ST8SIA4: variants seen among roughly 807,000 people sequenced by gnomAD.
ST8SIA4 encodes CMP-N-acetylneuraminate-poly-alpha-2,8-sialyltransferase.
A neutral mutation model predicts 33.9 loss-of-function variants in ST8SIA4; 15 were observed. The observed-to-expected ratio is 0.44, with a 90% CI of 0.30 to 0.68. The LOEUF is 0.68. Ranked by LOEUF, ST8SIA4 falls within the 30% of genes least tolerant of loss-of-function variation. ST8SIA4 has a pLI of 0.10. For missense variants in ST8SIA4, 321 were observed against 428.0 expected, an observed-to-expected ratio of 0.75 and a Z score of 2.21; for synonymous variants, 171 against 151.2, an observed-to-expected ratio of 1.13 and a Z score of -0.96.
At chr5:100,893,597 G>A (rs1204766227) in intron 2 of ST8SIA4, among the ~76,000 whole-genome samples, 2 of 151,934 alleles carry the variant, frequency 1.3e-5, no homozygotes, top group African/African-American at 4.8e-5. Flanking sequence ...CCCTTCACTT[G>A]AATATGTTAT....
intron 4 of ST8SIA4, among the ~76,000 whole-genome samples, chr5:100,820,107 A>G (rs1456366074): frequency 1.3e-5 from 2 of 152,186 alleles, no homozygotes; most frequent in Non-Finnish European, 2.9e-5. Flanking sequence ...CCATTTAAAC[A>G]TATTAGGACC....
chr5:100,886,957 C>T (rs117897924), intron 2 of ST8SIA4, among the ~76,000 whole-genome samples: 1 of 152,092 alleles, frequency 6.6e-6, no homozygotes, highest in East Asian at 1.9e-4. Context: ...AGTTATTCTG[C>T]TAGCTTCAGC....
At chr5:100,891,957 C>T (rs1752679008) in intron 2 of ST8SIA4, among the ~76,000 whole-genome samples, 1 of 151,924 alleles carries the variant, frequency 6.6e-6, no homozygotes, top group Non-Finnish European at 1.5e-5. Context: ...GGAAATTTTT[C>T]TTGTCAGTTA....
At chr5:100,858,325 T>C (rs1751860770) in intron 3 of ST8SIA4, among the ~76,000 whole-genome samples, 1 of 152,002 alleles carries the variant, frequency 6.6e-6, no homozygotes, top group Non-Finnish European at 1.5e-5. Flanking sequence ...TTTGGACATA[T>C]TTTTCCACTA....
In ST8SIA4 at chr5:100,886,354, A is replaced by G. The variant is rs138641468; in HGVS notation, c.492T>C (p.Asn164=). The G allele has an allele frequency of 1.4e-4, 224 of 1,613,418 alleles. 1 individual carries two copies. In the African/African-American group the frequency reaches 2.5e-3, roughly 18 times the overall value. Residue 164 remains asparagine (N), a synonymous_variant, in exon 3 of 5, where the codon AAT becomes AAC. Transcript: ENST00000231461. ...AGAAGAAAGCTCACCTTATTACAAA[A>G]TTGTGACTGTCAATCTCCTTTCCAC... The part of the protein sequence containing the change: ...SECGKEIDSH[N]FVIRCNLAPV...
intron 3 of ST8SIA4, among the ~76,000 whole-genome samples, chr5:100,860,007 T>A (rs1751901347): frequency 6.6e-6 from 1 of 152,156 alleles, no homozygotes; most frequent in South Asian, 2.1e-4. Context: ...TAATTCTACA[T>A]TTTTTAATTC....
At chr5:100,892,072 T>C (rs1752681903) in intron 2 of ST8SIA4, among the ~76,000 whole-genome samples, 1 of 152,126 alleles carries the variant, frequency 6.6e-6, no homozygotes. Flanking sequence ...TTTCTAATTA[T>C]GATGTGATAA....
intron 1 of ST8SIA4, among the ~76,000 whole-genome samples, chr5:100,900,080 C>T (rs1163840663): frequency 6.6e-6 from 1 of 152,182 alleles, no homozygotes; most frequent in Non-Finnish European, 1.5e-5. Context: ...GGTATGACTG[C>T]TCAGTATTGT....
rs76787395 is a variant in ST8SIA4, at chr5:100,807,026, A to G, written c.*4821T>C. ...TTTCCTAATATTCATGGGGTTTTTG[A>G]CATTGTTCATATTCCCATGTATACA... On this transcript the variant is annotated 3_prime_UTR_variant, in exon 5 of 5. Transcript: ENST00000231461. 1.1e-3 allele frequency: 163 copies of G among 152,158 alleles called. 1 individual carries two copies. The highest frequency in any genetic ancestry group is 6.8e-3 in the Middle Eastern group (2 of 294). 9.4% of individuals were successfully genotyped at this position (152,158 alleles called of 1,614,324 possible).
intron 3 of ST8SIA4, among the ~76,000 whole-genome samples, chr5:100,869,382 T>C (rs1379983120): frequency 6.6e-6 from 1 of 152,164 alleles, no homozygotes; most frequent in Non-Finnish European, 1.5e-5. Context: ...CATTTGCTAA[T>C]GTCCATTTCA....
intron 4 of ST8SIA4, among the ~76,000 whole-genome samples, chr5:100,835,214 G>C (rs1364425534): frequency 6.6e-6 from 1 of 152,082 alleles, no homozygotes; most frequent in Non-Finnish European, 1.5e-5. Flanking sequence ...TAGCTATACA[G>C]TGACACTTCT....
At chr5:100,887,677 C>A (rs1752568826) in intron 2 of ST8SIA4, among the ~76,000 whole-genome samples, 1 of 151,932 alleles carries the variant, frequency 6.6e-6, no homozygotes, top group Non-Finnish European at 1.5e-5. Flanking sequence ...TAGAGAAGCA[C>A]CTGATACAGT....
chr5:100,827,816 A>G (rs1194549309), intron 4 of ST8SIA4, among the ~76,000 whole-genome samples: 1 of 152,158 alleles, frequency 6.6e-6, no homozygotes, highest in African/African-American at 2.4e-5. Context: ...CCTAAATAGC[A>G]CTGACATTCA....
intron 1 of ST8SIA4, among the ~76,000 whole-genome samples, chr5:100,898,634 A>G (rs1375176026): frequency 6.6e-6 from 1 of 152,186 alleles, no homozygotes; most frequent in Non-Finnish European, 1.5e-5. Flanking sequence ...GAAGCTCTAG[A>G]GTAAATTTCT....
chr5:100,833,945 G>T (rs1347241460), intron 4 of ST8SIA4, among the ~76,000 whole-genome samples: 1 of 152,042 alleles, frequency 6.6e-6, no homozygotes, highest in Admixed American at 6.6e-5. Flanking sequence ...TAATTCAAAT[G>T]TGCATCCCAG....
At chr5:100,827,265 C>T (rs981362509) in intron 4 of ST8SIA4, among the ~76,000 whole-genome samples, 1 of 152,124 alleles carries the variant, frequency 6.6e-6, no homozygotes, top group East Asian at 1.9e-4. Flanking sequence ...GAAAACATCT[C>T]TTTTTCAGAT....
chr5:100,898,269 G>A (rs116263196), intron 1 of ST8SIA4, among the ~76,000 whole-genome samples: 2,572 of 152,020 alleles, frequency 0.017, 31 homozygotes, highest in Admixed American at 0.025. Context: ...GACCAGCCTG[G>A]GTAACATCAC....
chr5:100,874,203 A>G (rs778888001), intron 3 of ST8SIA4, among the ~76,000 whole-genome samples: 3 of 152,176 alleles, frequency 2.0e-5, no homozygotes, highest in Non-Finnish European at 4.4e-5. Context: ...TTGAAATTTT[A>G]CAACACACTT....
At chr5:100,893,991 T>G (rs1350753361) in intron 2 of ST8SIA4, among the ~76,000 whole-genome samples, 1 of 152,192 alleles carries the variant, frequency 6.6e-6, no homozygotes, top group Non-Finnish European at 1.5e-5. Context: ...AAAGTATATC[T>G]GTGTTTATAA....
Sources: gnomAD v4.1 joint callset for allele counts (sites outside exome capture counted in the v4.1 genomes callset) on GRCh38, gnomAD v4.1.1 for gene constraint, MANE v1.5 for transcripts, NCBI Gene and HGNC (gene_info 2026-07-23, HGNC 2026-07-21) for gene names.